Variants in HYLS1 observed in about 807,000 individuals in gnomAD.
HYLS1 encodes the protein HYLS1 centriolar and ciliogenesis associated, also known as centriolar and ciliogenesis-associated protein HYLS1.
In HYLS1, 25 loss-of-function variants were observed where a neutral mutation model predicts 29.4. The observed-to-expected ratio is 0.85, with a 90% confidence interval of 0.62 to 1.19. HYLS1 has a LOEUF of 1.19. Among genes scored for constraint, HYLS1 ranks in the 50% most tolerant of loss-of-function variants. The pLI is 0.00. For synonymous variants in HYLS1, 128 were observed against 126.7 expected (o/e 1.01, Z -0.07); for missense variants, 352 against 365.1 (o/e 0.96, Z 0.29).
At chr11:125,896,319 G>A in intron 2 of HYLS1, 1 of 1,543,760 alleles carries the variant, frequency 6.5e-7, no homozygotes. Context: ...GAACCATACA[G>A]GTCTGCCCTG....
intron 2 of HYLS1, chr11:125,896,465 G>T: frequency 1.6e-6 from 1 of 632,172 alleles, no homozygotes; most frequent in Non-Finnish European, 2.6e-6. Context: ...TAGCTTTATT[G>T]TGGGTTGATC....
intron 1 of HYLS1, among the ~76,000 whole-genome samples, chr11:125,890,505 T>C (rs1270815404): frequency 1.3e-5 from 2 of 152,220 alleles, no homozygotes; most frequent in South Asian, 2.1e-4. Context: ...AAATTTGTTA[T>C]AACTCTGCAA....
rs1944737008 is a variant in HYLS1 at position 125,900,438 on chromosome 11, T to A, written c.*170T>A. 1 of 638,238 alleles carries A rather than the reference T, an allele frequency of 1.6e-6. No individual in the cohort carries two copies. Among genetic ancestry groups the A allele is most frequent in the South Asian group, 2.0e-5 (1 of 50,870 alleles). 39.5% of individuals were successfully genotyped at this position (638,238 alleles called of 1,614,324 possible). A position where few individuals can be genotyped will look rare whatever the true frequency, so the allele number is the denominator to read the frequency against. ...ATATCACATTGGTATCAGATGATAC[T>A]TCCAAATTGCCACTCAAATCCAGCA... On this transcript the variant is annotated 3_prime_UTR_variant, in exon 3 of 3. Transcript: ENST00000425380.
At chr11:125,893,681 G>T in intron 2 of HYLS1, 12 of 788,276 alleles carry the variant, frequency 1.5e-5, no homozygotes, top group Non-Finnish European at 1.9e-5. Flanking sequence ...TCTTTTAAGA[G>T]CTGATCATCT....
At chr11:125,895,082 T>C (rs1324908780) in intron 2 of HYLS1, 2 of 538,208 alleles carry the variant, frequency 3.7e-6, no homozygotes, top group Non-Finnish European at 6.3e-6. Context: ...AGTCTCCCTC[T>C]GTCACCCATG....
chr11:125,888,681 A>G (rs1391760038), intron 1 of HYLS1, among the ~76,000 whole-genome samples: 1 of 151,752 alleles, frequency 6.6e-6, no homozygotes, highest in East Asian at 1.9e-4. Flanking sequence ...AGACAGGAGA[A>G]TCTCTTGAAC....
chr11:125,900,286 T>A lies in HYLS1; in HGVS notation c.*18T>A. 6.2e-7 allele frequency: 1 copy of A among 1,612,354 alleles called. No individual in the cohort carries two copies. ...CTTCTTAAATCTTTTTAAACTTCTT[T>A]CACAGGATTGTTTGAGATAACCTAG... On this transcript the variant is annotated 3_prime_UTR_variant, in exon 3 of 3. Transcript: ENST00000425380.
chr11:125,898,039 A>G (rs1243495963), intron 2 of HYLS1, among the ~76,000 whole-genome samples: 3 of 152,326 alleles, frequency 2.0e-5, no homozygotes, highest in Non-Finnish European at 4.4e-5. Flanking sequence ...ATATAGCTGG[A>G]TAACCAAGAT....
In HYLS1 at chr11:125,899,842, T is replaced by C. The variant is rs371089704; in HGVS notation, c.474T>C (p.His158=). 4 of 1,614,184 alleles carry C rather than the reference T, an allele frequency of 2.5e-6. No homozygotes were observed. Among genetic ancestry groups the C allele is most frequent in the Non-Finnish European group, 3.4e-6 (4 of 1,180,030 alleles). The change falls in exon 3 of 3, where the codon CAT becomes CAC. Residue 158 remains histidine, a synonymous_variant. Transcript: ENST00000425380. ...FDVSQKFNLP[H]EYQGISQDQL... Reference sequence around the variant, plus strand: ...TTTCACAAAAATTTAACCTACCACATGAATACCAAGGAATTTCTCAAGATC... The same window carrying C: ...TTTCACAAAAATTTAACCTACCACACGAATACCAAGGAATTTCTCAAGATC...
Position 125,900,160 on chromosome 11 carries a change from T to C in HYLS1, c.792T>C (p.Tyr264=), listed in dbSNP as rs1283896832. The C allele has an allele frequency of 3.7e-6, 6 of 1,614,062 alleles. No individual in the cohort carries two copies. The highest frequency in any genetic ancestry group is 2.7e-5 in the African/African-American group (2 of 74,914). Residue 264 remains tyrosine (Y), a synonymous_variant, in exon 3 of 3, where the codon TAT becomes TAC. Coordinates refer to ENST00000425380, the MANE Select transcript of HYLS1 (RefSeq NM_001134793.2). ...KPQHIYVPNN[Y]LVPTEKKRSA... Reference sequence around the variant, plus strand: ...AGCATATATATGTCCCAAACAATTATCTAGTACCAACAGAGAAGAAAAGGT... The same window carrying C: ...AGCATATATATGTCCCAAACAATTACCTAGTACCAACAGAGAAGAAAAGGT...
chr11:125,887,743 G>A lies in HYLS1; in HGVS notation c.-98G>A, dbSNP rs1028063821. On this transcript the variant is annotated 5_prime_UTR_variant, in exon 1 of 3. Coordinates refer to ENST00000425380, the MANE Select transcript of HYLS1 (RefSeq NM_001134793.2). ...CTGGCGACTGGCAGGACGCGGTGCA[G>A]AGAGCGGACTTCCGCGACGCGGGTA... The A allele has an allele frequency of 6.6e-6, 1 of 152,316 alleles. No individual in the cohort carries two copies. Among genetic ancestry groups the A allele is most frequent in the East Asian group, 1.9e-4 (1 of 5,202 alleles). 9.4% of individuals were successfully genotyped at this position (152,316 alleles called of 1,614,324 possible). A position where few individuals can be genotyped will look rare whatever the true frequency, so the allele number is the denominator to read the frequency against.
At chr11:125,892,272 G>T (rs1278024969) in intron 2 of HYLS1, among the ~76,000 whole-genome samples, 1 of 152,136 alleles carries the variant, frequency 6.6e-6, no homozygotes, top group African/African-American at 2.4e-5. Context: ...ATTCTCTGAG[G>T]TGGCATTTGT....
intron 1 of HYLS1, among the ~76,000 whole-genome samples, chr11:125,890,015 T>A (rs763674445): frequency 5.9e-5 from 9 of 152,346 alleles, no homozygotes; most frequent in Admixed American, 1.3e-4. Context: ...CATAGCTCAG[T>A]GCAGCCTCAA....
At position 125,890,367 on chromosome 11, in the gene HYLS1, A is replaced by G. The variant is rs1047521713; in HGVS notation, c.-75-1056A>G. ...ATTACTGATTTTTAAACGTGTTACA[A>G]GTATTTCTCCCAGTTTGTTGTCTCT... On this transcript the variant is annotated intron_variant, in intron 1 of 2. Coordinates refer to ENST00000425380, the MANE Select transcript of HYLS1 (RefSeq NM_001134793.2). Among the ~76,000 whole-genome samples, 110 of 152,310 alleles carry G rather than the reference A, an allele frequency of 7.2e-4. 1 individual carries two copies. Among genetic ancestry groups the G allele is most frequent in the African/African-American group, 2.6e-3 (107 of 41,558 alleles).
intron 1 of HYLS1, among the ~76,000 whole-genome samples, chr11:125,888,598 G>A (rs897315883): frequency 5.3e-5 from 8 of 151,592 alleles, no homozygotes; most frequent in Admixed American, 2.6e-4. Context: ...GTGAAACCCC[G>A]TCTCTACTAA....
At chr11:125,896,142 G>T (rs780995458) in intron 2 of HYLS1, 3 of 1,614,050 alleles carry the variant, frequency 1.9e-6, no homozygotes, top group East Asian at 2.2e-5. Context: ...AGTTTTTCCA[G>T]CTCCTGCTGA....
upstream of HYLS1, among the ~76,000 whole-genome samples, chr11:125,886,157 C>G (rs967913339): frequency 6.6e-6 from 1 of 152,096 alleles, no homozygotes; most frequent in South Asian, 2.1e-4. Flanking sequence ...AGGTTGGGAC[C>G]GCTGCACTAA....
chr11:125,894,571 A>T (rs1944517160), intron 2 of HYLS1, among the ~76,000 whole-genome samples: 1 of 152,150 alleles, frequency 6.6e-6, no homozygotes, highest in Admixed American at 6.5e-5. Context: ...AACAGCTGGT[A>T]TTTTTTCCAA....
intron 2 of HYLS1, chr11:125,893,877 C>T (rs1298931594): frequency 6.2e-7 from 1 of 1,614,074 alleles, no homozygotes; most frequent in Non-Finnish European, 8.5e-7. Context: ...TCATTACAGT[C>T]CCTTTTGGCT....
Sources: allele counts gnomAD v4.1 joint callset (sites outside exome capture counted in the v4.1 genomes callset), GRCh38; gene constraint gnomAD v4.1.1; transcripts MANE v1.5; gene names NCBI Gene and HGNC (gene_info 2026-07-23, HGNC 2026-07-21).